The following SAMD12 variants were observed in gnomAD, a reference collection of about 807,000 sequenced individuals.
SAMD12 encodes the protein sterile alpha motif domain-containing protein 12.
In SAMD12, 9 loss-of-function variants were observed where a neutral mutation model predicts 15.0. The observed-to-expected ratio is 0.60, with a 90% CI of 0.36 to 1.05. The LOEUF is 1.05. SAMD12 is among the 50% of genes least tolerant of loss of function. SAMD12 has a pLI of 0.01. For synonymous variants in SAMD12, 86 were observed against 90.1 expected, an observed-to-expected ratio of 0.96 and a Z score of 0.25; for missense variants, 230 against 234.2, an observed-to-expected ratio of 0.98 and a Z score of 0.12.
At chr8:118,503,845 G>A (rs2131047400) in intron 2 of SAMD12, among the ~76,000 whole-genome samples, 1 of 152,212 alleles carries the variant, frequency 6.6e-6, no homozygotes, top group African/African-American at 2.4e-5. Flanking sequence ...ATCACAAAAC[G>A]GTTGCAGAGG....
chr8:118,269,548 A>G (rs1318192678), intron 4 of SAMD12, among the ~76,000 whole-genome samples: 1 of 152,120 alleles, frequency 6.6e-6, no homozygotes, highest in Non-Finnish European at 1.5e-5. Flanking sequence ...TCCATAGAGC[A>G]TTGCCTTCTT....
At chr8:118,287,404 C>T (rs565212095) in intron 4 of SAMD12, among the ~76,000 whole-genome samples, 25 of 152,210 alleles carry the variant, frequency 1.6e-4, no homozygotes, top group African/African-American at 5.5e-4. Flanking sequence ...GAATTACAGG[C>T]GTGAGCCACC....
At chr8:118,459,115 G>A (rs536650361) in intron 2 of SAMD12, among the ~76,000 whole-genome samples, 6 of 152,068 alleles carry the variant, frequency 3.9e-5, no homozygotes, top group African/African-American at 1.2e-4. Flanking sequence ...GCCCAGGCTG[G>A]AGTTCAGTGG....
intron 4 of SAMD12, among the ~76,000 whole-genome samples, chr8:118,198,270 A>G (rs1819621597): frequency 6.6e-6 from 1 of 152,234 alleles, no homozygotes; most frequent in Admixed American, 6.5e-5. Context: ...GACTAGATAG[A>G]GAAAGTCATT....
At chr8:118,574,223 G>C (rs1029835701) in intron 2 of SAMD12, among the ~76,000 whole-genome samples, 3 of 152,182 alleles carry the variant, frequency 2.0e-5, no homozygotes, top group Non-Finnish European at 2.9e-5. Flanking sequence ...AGTTTGGGTG[G>C]ATAAACTCAA....
At chr8:118,212,010 C>T (rs1311142832) in intron 4 of SAMD12, among the ~76,000 whole-genome samples, 2 of 152,014 alleles carry the variant, frequency 1.3e-5, no homozygotes, top group Non-Finnish European at 2.9e-5. Flanking sequence ...GCCATCTGAA[C>T]CACAGCTTCC....
chr8:118,132,191 G>A, the SAMD12 span, among the ~76,000 whole-genome samples: 1 of 152,184 alleles, frequency 6.6e-6, no homozygotes, highest in East Asian at 1.9e-4. Context: ...TTACTGAGTG[G>A]TTCTGTGTGT....
chr8:118,296,452 A>G (rs1814719385), intron 4 of SAMD12, among the ~76,000 whole-genome samples: 1 of 152,236 alleles, frequency 6.6e-6, no homozygotes, highest in Admixed American at 6.5e-5. Flanking sequence ...TTAGCACTTA[A>G]GAAAATCTGT....
intron 4 of SAMD12, among the ~76,000 whole-genome samples, chr8:118,218,480 C>G (rs1365024221): frequency 6.6e-6 from 1 of 152,064 alleles, no homozygotes; most frequent in East Asian, 1.9e-4. Context: ...ATTTCAAAAA[C>G]TTATTCCTCC....
intron 2 of SAMD12, among the ~76,000 whole-genome samples, chr8:118,580,141 T>C (rs943649235): frequency 3.3e-5 from 5 of 152,200 alleles, no homozygotes; most frequent in Non-Finnish European, 5.9e-5. Flanking sequence ...CCTCACAAGA[T>C]TGTTACAGGG....
chr8:118,360,156 A>C (rs942647066), intron 4 of SAMD12, among the ~76,000 whole-genome samples: 2 of 152,042 alleles, frequency 1.3e-5, no homozygotes, highest in East Asian at 3.8e-4. Flanking sequence ...CTCTTTCTCA[A>C]CCTTTTCCTT....
At chr8:118,495,342 T>C (rs2131025296) in intron 2 of SAMD12, among the ~76,000 whole-genome samples, 1 of 152,300 alleles carries the variant, frequency 6.6e-6, no homozygotes, top group East Asian at 1.9e-4. Context: ...TATGACATCA[T>C]GGCATTCACT....
At chr8:118,363,490 C>T (rs978170171) in intron 4 of SAMD12, among the ~76,000 whole-genome samples, 1 of 151,756 alleles carries the variant, frequency 6.6e-6, no homozygotes, top group Admixed American at 6.6e-5. Context: ...GTTTTTTTTT[C>T]CTGTCTTTAG....
intron 2 of SAMD12, among the ~76,000 whole-genome samples, chr8:118,504,504 A>C (rs1162786413): frequency 6.6e-6 from 1 of 152,110 alleles, no homozygotes; most frequent in African/African-American, 2.4e-5. Flanking sequence ...AATGCTTAGC[A>C]GAGGATGTAG....
intron 4 of SAMD12, among the ~76,000 whole-genome samples, chr8:118,313,596 G>T (rs549929200): frequency 4.4e-4 from 67 of 152,170 alleles, no homozygotes; most frequent in African/African-American, 1.5e-3. Flanking sequence ...GGACCTTTCG[G>T]TATAGCAGAC....
chr8:118,495,574 T>A (rs973990226), intron 2 of SAMD12, among the ~76,000 whole-genome samples: 2 of 150,820 alleles, frequency 1.3e-5, no homozygotes, highest in African/African-American at 4.9e-5. Flanking sequence ...TTTTACCTTA[T>A]CTCTTTAATT....
At chr8:118,496,190 T>C (rs1824602654) in intron 2 of SAMD12, among the ~76,000 whole-genome samples, 1 of 152,202 alleles carries the variant, frequency 6.6e-6, no homozygotes, top group Non-Finnish European at 1.5e-5. Flanking sequence ...ATGTCATTTT[T>C]CACAGAATTA....
exon 5 of SAMD12, chr8:118,197,478 C>T: frequency 1.7e-6 from 1 of 587,018 alleles, no homozygotes; most frequent in Non-Finnish European, 3.0e-6. Context: ...CTGCCAATGA[C>T]CACTTGGAAT....
At chr8:118,214,253 G>C (rs1298040993) in intron 4 of SAMD12, among the ~76,000 whole-genome samples, 2 of 152,238 alleles carry the variant, frequency 1.3e-5, no homozygotes, top group Non-Finnish European at 2.9e-5. Flanking sequence ...CTTCTGACAG[G>C]AAGGTTCCAT....
Sources: gnomAD v4.1 joint callset for allele counts (sites outside exome capture counted in the v4.1 genomes callset) on GRCh38, gnomAD v4.1.1 for gene constraint, MANE v1.5 for transcripts, NCBI Gene and HGNC (gene_info 2026-07-23, HGNC 2026-07-21) for gene names.